ZEB1: variants seen among roughly 807,000 people sequenced by gnomAD.
ZEB1 encodes the protein zinc finger E-box-binding homeobox 1.
In ZEB1, 21 loss-of-function variants were observed where a neutral mutation model predicts 84.9. That is an observed-to-expected ratio of 0.25 (90% CI 0.18 to 0.36). The LOEUF is 0.36. ZEB1 is among the 10% of genes least tolerant of loss of function. The pLI is 1.00. For synonymous variants in ZEB1, 420 were observed against 471.1 expected (o/e 0.89, Z 1.41); for missense variants, 1,104 against 1,330.2 (o/e 0.83, Z 2.65).
rs1466714324 is a variant in ZEB1, at chr10:31,509,566, C to T, written c.485-1107C>T. ...TATTCAGCCATCTTGAAGCCCCTCTCTCAACATATTTGACCAACTATTTAA... is the reference window on the plus strand; with the variant it reads ...TATTCAGCCATCTTGAAGCCCCTCTTTCAACATATTTGACCAACTATTTAA... On this transcript the variant is annotated intron_variant, in intron 4 of 8. Transcript: ENST00000424869. 3.3e-5 allele frequency among the ~76,000 whole-genome samples: 5 copies of T among 152,176 alleles called. No homozygotes were observed. The East Asian group carries it at 5.8e-4, about 18-fold the overall frequency.
At chr10:31,475,015 A>C (rs2063877815) in intron 2 of ZEB1, among the ~76,000 whole-genome samples, 1 of 144,026 alleles carries the variant, frequency 6.9e-6, no homozygotes, top group Non-Finnish European at 1.5e-5. Context: ...GAACAATGAG[A>C]TCACATGGAC....
intron 1 of ZEB1, among the ~76,000 whole-genome samples, chr10:31,412,886 C>T (rs553335423): frequency 2.1e-4 from 32 of 152,226 alleles, no homozygotes; most frequent in Non-Finnish European, 3.1e-4. Flanking sequence ...CCTGTATCCT[C>T]GAAGTATAAC....
intron 1 of ZEB1, among the ~76,000 whole-genome samples, chr10:31,419,397 G>T (rs1265605246): frequency 1.3e-5 from 2 of 152,012 alleles, no homozygotes; most frequent in African/African-American, 2.4e-5. Context: ...ATCATCAAAA[G>T]GTTTTGAATA....
rs143572360 is a variant in ZEB1 at position 31,498,586 on chromosome 10, T to G, written c.322+2748T>G. Among the ~76,000 whole-genome samples the G allele has an allele frequency of 4.4e-4, 67 of 152,168 alleles. No homozygotes were observed. In the East Asian group the frequency reaches 0.012, roughly 26 times the overall value. On this transcript the variant is annotated intron_variant, in intron 3 of 8. Transcript: ENST00000424869. ...ACCCTAAGAGGTACTGTTATATAAA[T>G]TTTATAGGATGTAAACATTATATAC...
intron 1 of ZEB1, among the ~76,000 whole-genome samples, chr10:31,444,473 C>A (rs957004012): frequency 6.6e-6 from 1 of 151,958 alleles, no homozygotes; most frequent in African/African-American, 2.4e-5. Flanking sequence ...GTGTTTTAGA[C>A]ATGAAGTCCT....
chr10:31,512,009 G>T (rs1032766468), intron 5 of ZEB1, among the ~76,000 whole-genome samples: 2 of 152,144 alleles, frequency 1.3e-5, no homozygotes, highest in Non-Finnish European at 2.9e-5. Context: ...ACAGGTGAGA[G>T]CTCCAAGAGA....
chr10:31,408,587 G>A (rs1272623704), intron 1 of ZEB1, among the ~76,000 whole-genome samples: 3 of 146,262 alleles, frequency 2.1e-5, no homozygotes, highest in Admixed American at 6.7e-5. Context: ...CAGAAATAAC[G>A]CCGCATATCT....
chr10:31,382,006 C>CAAAAAA (rs535534850), intron 1 of ZEB1, among the ~76,000 whole-genome samples: 15 of 40,780 alleles, frequency 3.7e-4, no homozygotes, highest in African/African-American at 4.5e-4. Context: ...GAGACTGTCT[C>CAAAAAA]AAAAAAAAAA....
Position 31,521,033 on chromosome 10 carries a change from T to C in ZEB1, c.1701T>C (p.Ala567=), listed in dbSNP as rs1487719303. The change falls in exon 7 of 9, where the codon GCT becomes GCC. Residue 567 remains alanine (A), a synonymous_variant. Transcript: ENST00000424869. The stretch of plus-strand genomic sequence containing the variant: ...CTCCTCCACTCCCTGCAGCAGAAGC[T>C]GAGAAGCCTGAGTCCTCTGTTTCAT... The part of the protein sequence containing the change: ...TQPPPLPAAE[A]EKPESSVSSA... 1 of 1,614,050 alleles carries C rather than the reference T, an allele frequency of 6.2e-7. No homozygotes were observed. The highest frequency in any genetic ancestry group is 2.2e-5 in the East Asian group (1 of 44,846).
At chr10:31,495,905 C>G in intron 3 of ZEB1, 67 bp downstream of exon 3, 1 of 1,531,920 alleles carries the variant, frequency 6.5e-7, no homozygotes, top group Non-Finnish European at 9.0e-7. Context: ...ACTGATTTCG[C>G]ATTTGTGAGT....
chr10:31,521,047 C>T lies in ZEB1; in HGVS notation c.1715C>T (p.Ser572Phe), dbSNP rs2072217598. 1.2e-6 allele frequency: 2 copies of T among 1,614,058 alleles called. No homozygotes were observed. Among genetic ancestry groups the T allele is most frequent in the Non-Finnish European group, 8.5e-7 (1 of 1,180,006 alleles). Residue 572 changes from serine to phenylalanine, a missense_variant, in exon 7 of 9, where the codon TCC becomes TTC. Coordinates refer to ENST00000424869, the MANE Select transcript of ZEB1 (RefSeq NM_001174096.2). ...GCAGCAGAAGCTGAGAAGCCTGAGTCCTCTGTTTCATCAGCTACTGGAGAT... is the reference window on the plus strand; with the variant it reads ...GCAGCAGAAGCTGAGAAGCCTGAGTTCTCTGTTTCATCAGCTACTGGAGAT... ...LPAAEAEKPESSVSSATGDGN... is the reference protein window; with the variant it reads ...LPAAEAEKPEFSVSSATGDGN...
intron 1 of ZEB1, chr10:31,363,830 C>T (rs752849585): frequency 2.5e-5 from 33 of 1,324,924 alleles, no homozygotes; most frequent in Middle Eastern, 2.0e-4. Context: ...CTCATAGGGG[C>T]GCCGTCCCAC....
chr10:31,433,974 A>C (rs1410324448), intron 1 of ZEB1, among the ~76,000 whole-genome samples: 1 of 152,200 alleles, frequency 6.6e-6, no homozygotes, highest in Non-Finnish European at 1.5e-5. Flanking sequence ...AGTTCAAATA[A>C]GTTAAAGAAG....
intron 3 of ZEB1, among the ~76,000 whole-genome samples, chr10:31,502,008 GT>G (rs966015563): frequency 2.4e-4 from 37 of 152,098 alleles, no homozygotes; most frequent in African/African-American, 8.0e-4. Context: ...GAGAACTAAA[GT>G]TTTTTTCTTG....
intron 1 of ZEB1, among the ~76,000 whole-genome samples, chr10:31,455,611 A>C (rs1471844106): frequency 6.6e-6 from 1 of 152,218 alleles, no homozygotes; most frequent in Admixed American, 6.5e-5. Flanking sequence ...ATGAACAGAC[A>C]CTTCTCAAAA....
chr10:31,407,952 T>C (rs2135678236), intron 1 of ZEB1, among the ~76,000 whole-genome samples: 1 of 147,772 alleles, frequency 6.8e-6, no homozygotes, highest in East Asian at 2.0e-4. Context: ...GGAAGTCAAA[T>C]TGTCCCTGTT....
chr10:31,452,394 A>G (rs1382217042), intron 1 of ZEB1, among the ~76,000 whole-genome samples: 1 of 152,160 alleles, frequency 6.6e-6, no homozygotes, highest in East Asian at 1.9e-4. Context: ...ATTAACAAAA[A>G]TTTACAGTAA....
At position 31,524,118 on chromosome 10, in the gene ZEB1, G is replaced by C; in HGVS notation, c.2785+5G>C. 3 of 1,613,130 alleles carry C rather than the reference G, an allele frequency of 1.9e-6. No individual in the cohort carries two copies. Among genetic ancestry groups the C allele is most frequent in the Non-Finnish European group, 2.5e-6 (3 of 1,179,472 alleles). ...GACATAAATATGAACACACAGGTATGTCAGTGAACACAAACATAAAGTGTC... is the reference window on the plus strand; with the variant it reads ...GACATAAATATGAACACACAGGTATCTCAGTGAACACAAACATAAAGTGTC... On this transcript the variant is annotated splice_donor_5th_base_variant and intron_variant, in intron 8 of 8. Transcript: ENST00000424869.
At chr10:31,473,569 C>G (rs1291093243) in intron 2 of ZEB1, among the ~76,000 whole-genome samples, 2 of 150,810 alleles carry the variant, frequency 1.3e-5, no homozygotes, top group Admixed American at 1.3e-4. Context: ...AGGATACAAA[C>G]AAATGGAAGA....
Sources: allele counts gnomAD v4.1 joint callset (sites outside exome capture counted in the v4.1 genomes callset), GRCh38; gene constraint gnomAD v4.1.1; transcripts MANE v1.5; gene names NCBI Gene and HGNC (gene_info 2026-07-23, HGNC 2026-07-21).